The following ULBP3 variants were observed in gnomAD, a reference collection of about 807,000 sequenced individuals.
ULBP3 encodes UL16-binding protein 3.
ULBP3 carries 25 observed loss-of-function variants against 24.9 expected under a neutral mutation model. That is an observed-to-expected ratio of 1.00 (90% CI 0.73 to 1.40). The LOEUF (loss-of-function observed/expected upper bound fraction) is 1.40. Among genes scored for constraint, ULBP3 ranks in the 40% most tolerant of loss-of-function variants. The pLI is 0.00. For synonymous variants in ULBP3, 114 were observed against 114.7 expected, an observed-to-expected ratio of 0.99 and a Z score of 0.04; for missense variants, 306 against 307.5, an observed-to-expected ratio of 1.00 and a Z score of 0.04.
Position 150,066,244 on chromosome 6 carries a change from GA to G in ULBP3, c.89-83del, listed in dbSNP as rs1562520405. 5.4e-6 allele frequency: 8 copies of G among 1,469,784 alleles called. No individual in the cohort carries two copies. In the Admixed American group the frequency reaches 1.6e-4, roughly 30 times the overall value. 91.0% of individuals were successfully genotyped at this position (1,469,784 alleles called of 1,614,324 possible). A position where few individuals can be genotyped will look rare whatever the true frequency, so the allele number is the denominator to read the frequency against. On this transcript the variant is annotated intron_variant, in intron 1 of 4. Coordinates refer to ENST00000367339, the MANE Select transcript of ULBP3 (RefSeq NM_024518.3). ...CACTGTGACAGCAAGAGGGTTTCCT[GA>G]AGGGCTGGGCTGGCAGAGCATGGAT... is the stretch of plus-strand genomic sequence containing the variant.
chr6:150,063,373 G>C (rs1776300021), intron 4 of ULBP3, 22 bp from the exon 5 acceptor site: 2 of 977,490 alleles, frequency 2.0e-6, no homozygotes, highest in Non-Finnish European at 2.4e-6. Flanking sequence ...ATGAAGCATT[G>C]GTTTAAGTGG....
rs1470936734 is a variant in ULBP3 at position 150,069,087 on chromosome 6, G to A, written c.-21C>T. ...GCCATTGTAGACCAGGAGCGCCCGG[G>A]ACACAAGGCGCAGTCGATGTGGAGA... On this transcript the variant is annotated 5_prime_UTR_variant, in exon 1 of 5. Transcript: ENST00000367339. The A allele has an allele frequency of 1.9e-6, 3 of 1,605,908 alleles. No individual in the cohort carries two copies. The highest frequency in any genetic ancestry group is 2.7e-5 in the African/African-American group (2 of 74,852).
At position 150,062,140 on chromosome 6, in the gene ULBP3, C is replaced by A. The variant is rs1431298436; in HGVS notation, c.*1234G>T. ...CTGGATATTGGACCTTTGTCAGATG[C>A]AGAGTTTGCAAATAGTTTCCCCATT... On this transcript the variant is annotated 3_prime_UTR_variant, in exon 5 of 5. Transcript: ENST00000367339. Among the ~76,000 whole-genome samples, 1 of 152,144 alleles carries A rather than the reference C, an allele frequency of 6.6e-6. No individual in the cohort carries two copies.
intron 3 of ULBP3, 141 bp from the exon 4 acceptor site, chr6:150,064,854 C>T (rs1776322551): frequency 1.2e-6 from 1 of 836,910 alleles, no homozygotes; most frequent in East Asian, 2.7e-5. Flanking sequence ...TGTGACAGGT[C>T]CTGGGGGTAG....
At chr6:150,068,881 C>G (rs1776387348) in intron 1 of ULBP3, 98 bp downstream of exon 1, 8 of 1,276,438 alleles carry the variant, frequency 6.3e-6, no homozygotes, top group Non-Finnish European at 8.4e-6. Context: ...GAGATCGCGC[C>G]GGTCCTTCTA....
rs28437826 is a variant in ULBP3, at chr6:150,062,761, G to A, written c.*613C>T. On this transcript the variant is annotated 3_prime_UTR_variant, in exon 5 of 5. Transcript: ENST00000367339. ...GATTTCTTGTTCAGTTAAAACTTGTGCAGGAATTCCATCCATTAGCACCGA... is the reference window on the plus strand; with the variant it reads ...GATTTCTTGTTCAGTTAAAACTTGTACAGGAATTCCATCCATTAGCACCGA... Among the ~76,000 whole-genome samples, 17,314 of 150,946 alleles carry A rather than the reference G, an allele frequency of 0.11. 1,024 individuals are homozygous for A. Among genetic ancestry groups the A allele is most frequent in the Middle Eastern group, 0.18 (54 of 294 alleles).
chr6:150,064,477 G>A (rs564466074), intron 4 of ULBP3, 108 bp downstream of exon 4: 6 of 1,004,368 alleles, frequency 6.0e-6, no homozygotes, highest in South Asian at 5.5e-5. Flanking sequence ...ATGTCAGAAC[G>A]AGAAGGTCCC....
At position 150,064,575 on chromosome 6, in the gene ULBP3, C is replaced by T. The variant is rs867082981; in HGVS notation, c.*22+10G>A. 3.1e-6 allele frequency: 5 copies of T among 1,610,648 alleles called. No homozygotes were observed. In the Middle Eastern group the frequency reaches 8.3e-4, roughly 267 times the overall value. ...GTCTCTCGTTCCCCTCACAGTTTTGCCCACAGTACCTGTCACTCTAAATGA... is the reference window on the plus strand; with the variant it reads ...GTCTCTCGTTCCCCTCACAGTTTTGTCCACAGTACCTGTCACTCTAAATGA... On this transcript the variant is annotated intron_variant, in intron 4 of 4. Coordinates refer to ENST00000367339, the MANE Select transcript of ULBP3 (RefSeq NM_024518.3).
In ULBP3 at chr6:150,062,974, T is replaced by C. The variant is rs553620; in HGVS notation, c.*400A>G. On this transcript the variant is annotated 3_prime_UTR_variant, in exon 5 of 5. Coordinates refer to ENST00000367339, the MANE Select transcript of ULBP3 (RefSeq NM_024518.3). Reference sequence around the variant, plus strand: ...AAAATTAGCCGGGCGCGGTGGCGGGTGCCTGTAGTCCCAGCTACTCGGGAG... The same window carrying C: ...AAAATTAGCCGGGCGCGGTGGCGGGCGCCTGTAGTCCCAGCTACTCGGGAG... Among the ~76,000 whole-genome samples, 132,343 of 150,232 alleles carry C rather than the reference T, an allele frequency of 0.88. 58,471 individuals are homozygous for C. The highest frequency in any genetic ancestry group is 0.92 in the Middle Eastern group (270 of 294).
rs181412201 is a variant in ULBP3 at position 150,069,102 on chromosome 6, C to G, written c.-36G>C. 2.7e-4 allele frequency: 428 copies of G among 1,596,922 alleles called. No individual in the cohort carries two copies. In the African/African-American group the frequency reaches 4.6e-3, roughly 17 times the overall value. On this transcript the variant is annotated 5_prime_UTR_variant, in exon 1 of 5. Coordinates refer to ENST00000367339, the MANE Select transcript of ULBP3 (RefSeq NM_024518.3). ...GAGCGCCCGGGACACAAGGCGCAGT[C>G]GATGTGGAGACCAGCGTATGAATCA...
Position 150,062,585 on chromosome 6 carries a change from A to G in ULBP3, c.*789T>C, listed in dbSNP as rs1472942625. On this transcript the variant is annotated 3_prime_UTR_variant, in exon 5 of 5. Coordinates refer to ENST00000367339, the MANE Select transcript of ULBP3 (RefSeq NM_024518.3). ...TATAATGATAAAAAGGATTAATACA[A>G]TTCTTGGTCAGTGCATGGAAAGGAT... 2.0e-5 allele frequency among the ~76,000 whole-genome samples: 3 copies of G among 152,224 alleles called. No individual in the cohort carries two copies. Among genetic ancestry groups the G allele is most frequent in the Admixed American group, 6.5e-5 (1 of 15,288 alleles).
chr6:150,065,438 C>T lies in ULBP3; in HGVS notation c.588G>A (p.Arg196=), dbSNP rs766523449. 5 of 1,614,048 alleles carry T rather than the reference C, an allele frequency of 3.1e-6. No homozygotes were observed. The highest frequency in any genetic ancestry group is 4.2e-6 in the Non-Finnish European group (5 of 1,180,032). Residue 196 remains arginine (R), a synonymous_variant, in exon 3 of 5, where the codon AGG becomes AGA. Transcript: ENST00000367339. The part of the protein sequence containing the change: ...VSMRDCKSWL[R]DFLMHRKKRL... Reference sequence around the variant, plus strand: ...TCTTCTTCCTGTGCATCAGGAAGTCCCTAAGCCAGCTCTTGCAGTCTCTCA... The same window carrying T: ...TCTTCTTCCTGTGCATCAGGAAGTCTCTAAGCCAGCTCTTGCAGTCTCTCA...
At chr6:150,065,870 C>T in intron 2 of ULBP3, 29 bp downstream of exon 2, 2 of 1,610,270 alleles carry the variant, frequency 1.2e-6, no homozygotes, top group Non-Finnish European at 1.7e-6. Flanking sequence ...ACAGTCTGCT[C>T]CCTTCTGTCC....
Position 150,064,706 on chromosome 6 carries a change from G to T in ULBP3, c.636C>A (p.Pro212=). ...RKKRLEPTAP[P]TMAPGLAQPK... is the part of the protein sequence containing the mutation. ...GTTGAGCTAAGCCTGGGGCCATGGT[G>T]GGTGGTGCTGAAAGGGAAACACAAA... Residue 212 remains proline (P), a synonymous_variant, in exon 4 of 5, where the codon CCC becomes CCA. Coordinates refer to ENST00000367339, the MANE Select transcript of ULBP3 (RefSeq NM_024518.3). 6.2e-7 allele frequency: 1 copy of T among 1,613,976 alleles called. No homozygotes were observed. Among genetic ancestry groups the T allele is most frequent in the South Asian group, 1.1e-5 (1 of 91,072 alleles).
chr6:150,065,524 G>A lies in ULBP3; in HGVS notation c.502C>T (p.Arg168Trp), dbSNP rs35696295. Residue 168 changes from arginine (R) to tryptophan (W), a missense_variant, in exon 3 of 5, where the codon CGG (arginine) becomes TGG (tryptophan). By Grantham distance (101) the Arg-to-Trp change is moderately radical. Coordinates refer to ENST00000367339, the MANE Select transcript of ULBP3 (RefSeq NM_024518.3). ...KWTVVHAGARRMKEKWEKDSG... is the reference protein window; with the variant it reads ...KWTVVHAGARWMKEKWEKDSG... ...TCCTTCTCCCACTTCTCTTTCATCC[G>A]CCTGGCTCCAGCGTGAACCACTGTC... 3.4e-5 allele frequency: 55 copies of A among 1,613,952 alleles called. 1 individual carries two copies. In the Middle Eastern group the frequency reaches 4.9e-4, roughly 14 times the overall value.
chr6:150,064,360 G>A (rs1418365140), intron 4 of ULBP3, among the ~76,000 whole-genome samples: 1 of 152,108 alleles, frequency 6.6e-6, no homozygotes, highest in Non-Finnish European at 1.5e-5. Context: ...CTTGATATGG[G>A]TCCCTCCCTT....
Position 150,064,619 on chromosome 6 carries a change from G to A in ULBP3, c.723C>T (p.Leu241=), listed in dbSNP as rs1304904659. ...TAAATGACTCTTCTCAGATGCCAGG[G>A]AGGATGAAGCAGAGGATGATGAGGA... ...WSFLIILCFI[L]PGI The change falls in exon 4 of 5, where the codon CTC becomes CTT. Residue 241 remains leucine, a synonymous_variant. Transcript: ENST00000367339. The A allele has an allele frequency of 1.2e-6, 2 of 1,613,966 alleles. No individual in the cohort carries two copies. The highest frequency in any genetic ancestry group is 2.7e-5 in the African/African-American group (2 of 74,914).
At chr6:150,064,460 C>G (rs1360290505) in intron 4 of ULBP3, 125 bp downstream of exon 4, 16 of 838,424 alleles carry the variant, frequency 1.9e-5, no homozygotes, top group Non-Finnish European at 3.0e-5. Context: ...TCTCATTCAC[C>G]TGTCTCATGT....
In ULBP3 at chr6:150,063,198, A is replaced by G. The variant is rs1392333948; in HGVS notation, c.*176T>C. The G allele has an allele frequency of 5.4e-6, 1 of 186,292 alleles. No homozygotes were observed. The highest frequency in any genetic ancestry group is 1.9e-4 in the East Asian group (1 of 5,348). 11.5% of individuals were successfully genotyped at this position (186,292 alleles called of 1,614,324 possible). A position where few individuals can be genotyped will look rare whatever the true frequency, so the allele number is the denominator to read the frequency against. ...GAGTGGCCTGAGATGTTGAGCCGAC[A>G]ATGTCCTCATCATCTGCTGGGGGCC... On this transcript the variant is annotated 3_prime_UTR_variant, in exon 5 of 5. Transcript: ENST00000367339.
Sources: gnomAD v4.1 joint callset for allele counts (sites outside exome capture counted in the v4.1 genomes callset) on GRCh38, gnomAD v4.1.1 for gene constraint, MANE v1.5 for transcripts, NCBI Gene and HGNC (gene_info 2026-07-23, HGNC 2026-07-21) for gene names.